Variants in DMD observed in about 807,000 individuals in gnomAD.
The protein encoded by DMD is dystrophin, also known as mutant dystrophin.
Under a neutral mutation model 330.1 loss-of-function variants are expected in DMD, and 63 were observed. That is an observed-to-expected ratio of 0.19 (90% CI 0.16 to 0.24). The LOEUF (loss-of-function observed/expected upper bound fraction) is 0.24, where lower values mean the gene tolerates loss of function less well. Ranked by LOEUF, DMD falls within the 10% of genes least tolerant of loss-of-function variation. DMD has a pLI of 1.00. For synonymous variants in DMD, 1,223 were observed against 959.8 expected, an observed-to-expected ratio of 1.27 and a Z score of -5.07; for missense variants, 3,344 against 2,684.1, an observed-to-expected ratio of 1.25 and a Z score of -5.43.
intron 2 of DMD, among the ~76,000 whole-genome samples, chrX:32,859,199 G>A (rs1372210823): frequency 9.0e-6 from 1 of 111,157 alleles, no homozygotes; most frequent in Non-Finnish European, 1.9e-5. Flanking sequence ...CAGGTGCAGT[G>A]GCTCACACCT....
At chrX:32,133,597 T>C (rs1569545991) in intron 44 of DMD, among the ~76,000 whole-genome samples, 1 of 111,359 alleles carries the variant, frequency 9.0e-6, no homozygotes. Context: ...ATTCTATCTA[T>C]AGTCTTTATT....
chrX:32,240,549 T>C (rs1001566704), intron 43 of DMD, among the ~76,000 whole-genome samples: 1 of 111,666 alleles, frequency 9.0e-6, no homozygotes, highest in Non-Finnish European at 1.9e-5. Context: ...TATGGTATTT[T>C]GTTATAGCAA....
chrX:32,690,942 A>G (rs1249016984), intron 9 of DMD, among the ~76,000 whole-genome samples: 1 of 110,616 alleles, frequency 9.0e-6, no homozygotes, highest in African/African-American at 3.4e-5. Flanking sequence ...ATTATTTCCA[A>G]AAGCACAAGC....
chrX:32,628,078 T>C (rs1490738435), intron 11 of DMD, among the ~76,000 whole-genome samples: 1 of 108,145 alleles, frequency 9.2e-6, no homozygotes, highest in Non-Finnish European at 1.9e-5. Flanking sequence ...TTTTAAAACG[T>C]ACAACAAATT....
chrX:31,974,129 G>A (rs1457931815), intron 44 of DMD, among the ~76,000 whole-genome samples: 1 of 112,016 alleles, frequency 8.9e-6, no homozygotes, highest in Non-Finnish European at 1.9e-5. Context: ...GATGCAGTTG[G>A]AGGCCATAAT....
At chrX:32,109,782 G>A (rs141177117) in intron 44 of DMD, among the ~76,000 whole-genome samples, 1,741 of 111,325 alleles carry the variant, frequency 0.016, 35 homozygotes, top group Non-Finnish European at 0.024. Flanking sequence ...ATAAAAGAGC[G>A]GTGTAATTTT....
intron 52 of DMD, among the ~76,000 whole-genome samples, chrX:31,697,241 T>C (rs1353704272): frequency 8.9e-6 from 1 of 111,825 alleles, no homozygotes; most frequent in African/African-American, 3.2e-5. Context: ...AGAGCCCATA[T>C]TGTTAGATTT....
intron 44 of DMD, among the ~76,000 whole-genome samples, chrX:31,979,295 A>G (rs2095459316): frequency 9.0e-6 from 1 of 111,726 alleles, no homozygotes. Flanking sequence ...GCCTCAAACA[A>G]TCCTCCCACC....
chrX:32,594,525 T>C (rs1248509954), intron 13 of DMD, among the ~76,000 whole-genome samples: 1 of 111,574 alleles, frequency 9.0e-6, no homozygotes, highest in East Asian at 2.8e-4. Flanking sequence ...CAAATACCTG[T>C]TTCTCTTTCC....
At chrX:33,033,123 T>G (rs1362811436) in intron 1 of DMD, among the ~76,000 whole-genome samples, 1 of 111,246 alleles carries the variant, frequency 9.0e-6, no homozygotes, top group East Asian at 2.9e-4. Context: ...ATTATCCAAG[T>G]GGCAGAGCAA....
At chrX:33,072,570 A>G (rs1272192309) in intron 1 of DMD, among the ~76,000 whole-genome samples, 2 of 111,958 alleles carry the variant, frequency 1.8e-5, no homozygotes, top group Non-Finnish European at 3.8e-5. Flanking sequence ...TCTTCTCTAA[A>G]TAACTTCTGA....
chrX:32,552,623 G>C lies in DMD; in HGVS notation c.1993-7289C>G, dbSNP rs1419046145. Among the ~76,000 whole-genome samples the C allele has an allele frequency of 2.7e-5, 3 of 111,897 alleles. No individual in the cohort carries two copies. The South Asian group carries it at 1.1e-3, about 41-fold the overall frequency. On this transcript the variant is annotated intron_variant, in intron 16 of 78. Coordinates refer to ENST00000357033, the MANE Select transcript of DMD (RefSeq NM_004006.3). ...TACACAACAAAAGAAACTATCAACAGAGTAAACAGACAACCTGCAGAATGG... is the reference window on the plus strand; with the variant it reads ...TACACAACAAAAGAAACTATCAACACAGTAAACAGACAACCTGCAGAATGG...
chrX:31,267,953 T>C (rs771849025), intron 62 of DMD, among the ~76,000 whole-genome samples: 111 of 112,626 alleles, frequency 9.9e-4, no homozygotes, highest in African/African-American at 3.2e-3. Flanking sequence ...ATTTATTTTG[T>C]TGGCTTGCTT....
intron 40 of DMD, chrX:32,342,493 T>C: frequency 7.2e-6 from 3 of 415,353 alleles, no homozygotes; most frequent in Non-Finnish European, 1.2e-5. Flanking sequence ...GTTTTAGATA[T>C]TCTAATTAAG....
At chrX:33,076,295 A>C (rs1000264254) in intron 1 of DMD, among the ~76,000 whole-genome samples, 2 of 111,355 alleles carry the variant, frequency 1.8e-5, no homozygotes, top group African/African-American at 6.5e-5. Flanking sequence ...AGTAATAATA[A>C]AACTCCAGTC....
Position 31,291,179 on chromosome X carries a change from T to C in DMD, c.9225-30163A>G, listed in dbSNP as rs752572724. Among the ~76,000 whole-genome samples the C allele has an allele frequency of 1.2e-4, 13 of 111,806 alleles. 1 individual carries two copies. In the South Asian group the frequency reaches 1.5e-3, roughly 13 times the overall value. Reference sequence around the variant, plus strand: ...GCTTTTCATTAGTTGAAAGTACAAGTTGCAAACTAGCAGACTTTGGGCTAA... The same window carrying C: ...GCTTTTCATTAGTTGAAAGTACAAGCTGCAAACTAGCAGACTTTGGGCTAA... On this transcript the variant is annotated intron_variant, in intron 62 of 78. Transcript: ENST00000357033.
chrX:33,178,742 TC>T (rs1241472291), intron 1 of DMD, among the ~76,000 whole-genome samples: 2 of 112,517 alleles, frequency 1.8e-5, no homozygotes, highest in African/African-American at 6.5e-5. Context: ...ATAATAAAGC[TC>T]TGTTTGCCTG....
chrX:31,366,485 A>AT (rs1430560228), intron 60 of DMD, among the ~76,000 whole-genome samples: 6 of 100,678 alleles, frequency 6.0e-5, no homozygotes, highest in African/African-American at 2.2e-4. Context: ...AAAAAAAAAA[A>AT]AAAAAAAAAA....
chrX:33,320,442 A>G (rs185956186), intron 1 of DMD, among the ~76,000 whole-genome samples: 1 of 112,317 alleles, frequency 8.9e-6, no homozygotes, highest in Non-Finnish European at 1.9e-5. Flanking sequence ...TAAAAGTTAT[A>G]TTTACATTAT....
Sources: gnomAD v4.1 joint callset for allele counts (sites outside exome capture counted in the v4.1 genomes callset) on GRCh38, gnomAD v4.1.1 for gene constraint, MANE v1.5 for transcripts, NCBI Gene and HGNC (gene_info 2026-07-23, HGNC 2026-07-21) for gene names.